The following DNAJB1 variants were observed in gnomAD, a reference collection of about 807,000 sequenced individuals.
DNAJB1 encodes the protein DnaJ heat shock protein family (Hsp40) member B1, also known as dnaJ homolog subfamily B member 1.
DNAJB1 carries 14 observed loss-of-function variants against 24.0 expected under a neutral mutation model. The observed-to-expected ratio is 0.58, with a 90% CI of 0.39 to 0.91. The LOEUF (loss-of-function observed/expected upper bound fraction) is 0.91. Ranked by LOEUF, DNAJB1 falls within the 40% of genes least tolerant of loss-of-function variation. The pLI is 0.00. For missense variants in DNAJB1, 517 were observed against 458.1 expected, an observed-to-expected ratio of 1.13 and a Z score of -1.17; for synonymous variants, 262 against 174.4, an observed-to-expected ratio of 1.50 and a Z score of -3.96.
intron 1 of DNAJB1, among the ~76,000 whole-genome samples, chr19:14,546,271 A>AT (rs35585506): frequency 0.3 from 44,947 of 148,874 alleles, 7,101 homozygotes; most frequent in Non-Finnish European, 0.37. Flanking sequence ...TAGATTTGGG[A>AT]TTTTTTTTTT....
At chr19:14,557,369 G>A (rs1325384598) in intron 1 of DNAJB1, among the ~76,000 whole-genome samples, 1 of 150,896 alleles carries the variant, frequency 6.6e-6, no homozygotes, top group African/African-American at 2.4e-5. Context: ...TCGAACTCCT[G>A]GCCTCAGGTG....
intron 2 of DNAJB1, among the ~76,000 whole-genome samples, chr19:14,526,375 G>T (rs1207552650): frequency 1.3e-5 from 2 of 152,186 alleles, no homozygotes; most frequent in East Asian, 3.8e-4. Context: ...GAACAAAGTG[G>T]CCAGTCTTCA....
upstream of DNAJB1, chr19:14,529,966 G>A (rs1346690540): frequency 3.1e-5 from 18 of 577,956 alleles, no homozygotes; most frequent in Non-Finnish European, 5.3e-5. Context: ...GGGCTGGGAC[G>A]CTTGCAGGTT....
chr19:14,535,949 G>A (rs1384194131), intron 1 of DNAJB1, among the ~76,000 whole-genome samples: 1 of 151,922 alleles, frequency 6.6e-6, no homozygotes, highest in Non-Finnish European at 1.5e-5. Flanking sequence ...TCCTGGTGGA[G>A]TCCCTTCTGT....
In DNAJB1 at chr19:14,517,608, C is replaced by G. The variant is rs1013908850; in HGVS notation, c.211+531G>C. 1.4e-4 allele frequency: 21 copies of G among 154,734 alleles called. 1 individual carries two copies. The highest frequency in any genetic ancestry group is 1.4e-5 in the Non-Finnish European group (1 of 69,910). The allele number at this position is 154,734 out of a possible 1,614,324, so 9.6% of individuals were successfully genotyped here. On this transcript the variant is annotated intron_variant, in intron 1 of 2. Transcript: ENST00000254322. ...CTCCTTACCCTCCGAGGCGGCCCCG[C>G]TCTCCGGACCTGGGCGGCCGCTGCC... is the stretch of plus-strand genomic sequence containing the variant.
chr19:14,553,138 C>G (rs1399913366), upstream of DNAJB1, among the ~76,000 whole-genome samples: 1 of 152,110 alleles, frequency 6.6e-6, no homozygotes, highest in Admixed American at 6.5e-5. Context: ...TCGCCCAAGC[C>G]AGGAGCTCGT....
At chr19:14,520,147 A>G (rs139902708), upstream of DNAJB1, among the ~76,000 whole-genome samples, 1 of 152,310 alleles carries the variant, frequency 6.6e-6, no homozygotes, top group African/African-American at 2.4e-5. Context: ...TTTGAAGTTT[A>G]TATGAGTCAA....
chr19:14,550,783 C>T (rs1437656321), upstream of DNAJB1, among the ~76,000 whole-genome samples: 4 of 151,760 alleles, frequency 2.6e-5, no homozygotes, highest in South Asian at 4.2e-4. Flanking sequence ...TGGGTTCATG[C>T]GATTCTCCTG....
upstream of DNAJB1, among the ~76,000 whole-genome samples, chr19:14,523,041 A>G (rs192353450): frequency 3.4e-4 from 35 of 101,914 alleles, 1 homozygote; most frequent in African/African-American, 1.7e-3. Flanking sequence ...TGGTGTCTCT[A>G]CTAAAAACAC....
chr19:14,536,684 C>T (rs1049529101), intron 1 of DNAJB1: 3 of 152,144 alleles, frequency 2.0e-5, no homozygotes, highest in Admixed American at 6.6e-5. Context: ...GCTGACATCT[C>T]TAAGTCACAG....
At chr19:14,524,845 C>CA (rs71166750) in intron 2 of DNAJB1, among the ~76,000 whole-genome samples, 13 of 112,180 alleles carry the variant, frequency 1.2e-4, no homozygotes, top group East Asian at 6.4e-4. Context: ...GACTCGTTCT[C>CA]AAAAAAAAAA....
At chr19:14,558,051 G>A (rs925291948) in intron 1 of DNAJB1, among the ~76,000 whole-genome samples, 1 of 152,172 alleles carries the variant, frequency 6.6e-6, no homozygotes, top group Non-Finnish European at 1.5e-5. Flanking sequence ...CACCACGCCC[G>A]GCCTATATTT....
chr19:14,546,391 A>G (rs2146590460), intron 1 of DNAJB1, among the ~76,000 whole-genome samples: 1 of 152,240 alleles, frequency 6.6e-6, no homozygotes, highest in South Asian at 2.1e-4. Context: ...GTTCAAGACC[A>G]GCCTGGTCAA....
chr19:14,539,146 TTTTTTTTTTTTTTTTTTTTTTG>T (rs1283800343), intron 1 of DNAJB1, among the ~76,000 whole-genome samples: 17 of 135,246 alleles, frequency 1.3e-4, no homozygotes, highest in African/African-American at 4.6e-4. Flanking sequence ...GCTAATTTTT[TTTTTTTTTTTTTTTTTTTTTTG>T]TATTTTTAGT....
intron 1 of DNAJB1, chr19:14,517,449 A>AAT: frequency 5.8e-6 from 1 of 171,670 alleles, no homozygotes. Flanking sequence ...AAAAAAAACA[A>AAT]AAATAAATAG....
Position 14,516,684 on chromosome 19 carries a change from G to A in DNAJB1, c.574C>T (p.Pro192Ser), listed in dbSNP as rs760412625. ...TCGTTTCGAATGCTCTTTCCGTCGG[G>A]GTTTAGCCGCTTGTGGGAGATTTTC... ...KMKISHKRLN[P>S]DGKSIRNEDK... The change falls in exon 2 of 3, where the codon CCC (proline) becomes TCC (serine). Residue 192 changes from proline (P) to serine (S), a missense_variant. Transcript: ENST00000254322. 3.7e-6 allele frequency: 6 copies of A among 1,614,184 alleles called. No homozygotes were observed. Among genetic ancestry groups the A allele is most frequent in the Non-Finnish European group, 5.1e-6 (6 of 1,180,038 alleles).
chr19:14,549,947 A>C (rs377355096), intron 1 of DNAJB1, among the ~76,000 whole-genome samples: 3 of 151,096 alleles, frequency 2.0e-5, no homozygotes, highest in African/African-American at 4.9e-5. Context: ...TGTCTCAAAA[A>C]AAAAAATAAA....
chr19:14,531,137 C>G (rs1488167404), upstream of DNAJB1: 2 of 151,774 alleles, frequency 1.3e-5, no homozygotes, highest in African/African-American at 2.4e-5. Flanking sequence ...TGGGTTTAAG[C>G]GATTCTCCTG....
upstream of DNAJB1, among the ~76,000 whole-genome samples, chr19:14,554,072 GC>G (rs1186834550): frequency 6.6e-6 from 1 of 152,208 alleles, no homozygotes; most frequent in East Asian, 1.9e-4. Flanking sequence ...CTGCAAGGGG[GC>G]CCTGGAGGCC....
Sources: allele counts gnomAD v4.1 joint callset (sites outside exome capture counted in the v4.1 genomes callset), GRCh38; gene constraint gnomAD v4.1.1; transcripts MANE v1.5; gene names NCBI Gene and HGNC (gene_info 2026-07-23, HGNC 2026-07-21).